The following IFITM10 variants were observed in gnomAD, a reference collection of about 807,000 sequenced individuals.
The protein encoded by IFITM10 is interferon induced transmembrane protein 10, also known as interferon-induced transmembrane protein 10.
In IFITM10, 17 loss-of-function variants were observed where a neutral mutation model predicts 19.0. That is an observed-to-expected ratio of 0.90 (90% CI 0.61 to 1.34). IFITM10 has a LOEUF of 1.34. Among genes scored for constraint, IFITM10 ranks in the 40% most tolerant of loss-of-function variants. The pLI is 0.00. For synonymous variants in IFITM10, 148 were observed against 147.2 expected, an observed-to-expected ratio of 1.01 and a Z score of -0.04; for missense variants, 306 against 319.8, an observed-to-expected ratio of 0.96 and a Z score of 0.33.
chr11:1,735,292 G>A lies in IFITM10; in HGVS notation c.675C>T (p.Leu225=). The change falls in exon 3 of 3, where the codon CTC becomes CTT. Residue 225 remains leucine, a synonymous_variant. Coordinates refer to ENST00000340134, the MANE Select transcript of IFITM10 (RefSeq NM_001170820.4). ...ILVFIFLRYP[L]TDY ...TGCCTGGCGGGCCTTAGTAGTCGGT[G>A]AGGGGGTACCGCAGGAAGATGAAGA... 6.4e-7 allele frequency: 1 copy of A among 1,551,758 alleles called. No individual in the cohort carries two copies.
rs978001824 is a variant in IFITM10 at position 1,732,991 on chromosome 11, G to A, written c.*2289C>T. The stretch of plus-strand genomic sequence containing the variant: ...TTTCTTCCCTCCCAGGCATAACATG[G>A]AAGACACCTGGACACTGGGGTTGGC... On this transcript the variant is annotated 3_prime_UTR_variant, in exon 3 of 3. Transcript: ENST00000340134. The A allele has an allele frequency of 2.6e-5, 4 of 152,310 alleles. No homozygotes were observed. The East Asian group carries it at 7.7e-4, about 29-fold the overall frequency. The allele number at this position is 152,310 out of a possible 1,614,324, so 9.4% of individuals were successfully genotyped here.
At chr11:1,745,596 G>A (rs1456855321) in intron 2 of IFITM10, 1 of 150,040 alleles carries the variant, frequency 6.7e-6, no homozygotes, top group Middle Eastern at 3.5e-3. Context: ...CGCATGCACA[G>A]TCAGGTACAT....
chr11:1,749,900 C>T (rs1490753947), intron 1 of IFITM10, among the ~76,000 whole-genome samples: 1 of 152,142 alleles, frequency 6.6e-6, no homozygotes, highest in African/African-American at 2.4e-5. Flanking sequence ...GCCGGGGCCC[C>T]ACTCCAGTTC....
chr11:1,744,121 C>T (rs1460683094), intron 2 of IFITM10, among the ~76,000 whole-genome samples: 1 of 152,234 alleles, frequency 6.6e-6, no homozygotes, highest in Non-Finnish European at 1.5e-5. Context: ...TTTCCAGCCT[C>T]ACCCCAAACT....
At chr11:1,740,717 C>A (rs749141256) in intron 2 of IFITM10, among the ~76,000 whole-genome samples, 1 of 152,050 alleles carries the variant, frequency 6.6e-6, no homozygotes, top group Admixed American at 6.5e-5. Flanking sequence ...TGAGAAGCAT[C>A]GGCAAAAAGA....
At chr11:1,740,340 C>CAGGCAGAG in intron 2 of IFITM10, among the ~76,000 whole-genome samples, 1 of 131,010 alleles carries the variant, frequency 7.6e-6, no homozygotes, top group South Asian at 2.5e-4. Flanking sequence ...GATAGTTGAA[C>CAGGCAGAG]AGGCAGAGAG....
At chr11:1,740,922 T>A (rs973900951) in intron 2 of IFITM10, among the ~76,000 whole-genome samples, 14 of 151,586 alleles carry the variant, frequency 9.2e-5, no homozygotes, top group Non-Finnish European at 7.4e-5. Context: ...CTCCCCCTTA[T>A]CCCTCCCTTG....
chr11:1,740,343 G>C (rs1469891806), intron 2 of IFITM10, among the ~76,000 whole-genome samples: 1 of 149,132 alleles, frequency 6.7e-6, no homozygotes, highest in Non-Finnish European at 1.5e-5. Context: ...AGTTGAACAG[G>C]CAGAGAGAGG....
At chr11:1,746,353 T>G (rs1463776817) in intron 2 of IFITM10, 2 of 391,846 alleles carry the variant, frequency 5.1e-6, no homozygotes, top group East Asian at 7.2e-5. Flanking sequence ...TGCACACACA[T>G]GCACACACAA....
rs964032025 is a variant in IFITM10, at chr11:1,734,737, GAGGATTGCAAAGCCTCCAGACTTCTCC to G, written c.*516_*542del. 1.3e-5 allele frequency: 2 copies of G among 153,086 alleles called. No homozygotes were observed. Among genetic ancestry groups the G allele is most frequent in the African/African-American group, 4.8e-5 (2 of 41,460 alleles). 9.5% of individuals were successfully genotyped at this position (153,086 alleles called of 1,614,324 possible). On this transcript the variant is annotated 3_prime_UTR_variant, in exon 3 of 3. Transcript: ENST00000340134. ...CCTGACCGCCAGGCAGTTCCTGAGGGAGGATTGCAAAGCCTCCAGACTTCTCCAGGCCCTGCCAGGGACACAAAGTAG... is the reference window on the plus strand; with the variant it reads ...CCTGACCGCCAGGCAGTTCCTGAGGGAGGCCCTGCCAGGGACACAAAGTAG...
chr11:1,750,466 A>G lies in IFITM10; in HGVS notation c.-24T>C, dbSNP rs1170275261. 9 of 1,549,976 alleles carry G rather than the reference A, an allele frequency of 5.8e-6. No individual in the cohort carries two copies. The Admixed American group carries it at 7.9e-5, about 14-fold the overall frequency. ...ATCTCTCTCCAAGCCCCATCCTCCC[A>G]TGAAACTCCTTTCTCCTCTGCCACT... On this transcript the variant is annotated 5_prime_UTR_variant, in exon 1 of 3. It removes an upstream start codon present in the reference 5' UTR. Transcript: ENST00000340134.
At chr11:1,749,193 C>A in intron 1 of IFITM10, 18 of 723,526 alleles carry the variant, frequency 2.5e-5, no homozygotes, top group Non-Finnish European at 3.1e-5. Flanking sequence ...GCCTGCGCTC[C>A]CTCCGCAGCG....
intron 1 of IFITM10, chr11:1,748,817 C>G (rs907686531): frequency 6.3e-6 from 1 of 158,252 alleles, no homozygotes; most frequent in Admixed American, 6.5e-5. Context: ...GAGCCACGCA[C>G]CCCCGGGCCA....
At chr11:1,746,745 C>A in intron 2 of IFITM10, 4 of 398,934 alleles carry the variant, frequency 1.0e-5, no homozygotes, top group Non-Finnish European at 1.8e-5. Flanking sequence ...CTCCCCCACC[C>A]GGCAGGGCAG....
chr11:1,747,915 G>A lies in IFITM10; in HGVS notation c.289C>T (p.Pro97Ser), dbSNP rs1182228905. Residue 97 changes from proline (P) to serine (S), a missense_variant, in exon 2 of 3, where the codon CCC becomes TCC. Pro to Ser is a moderately conservative substitution (Grantham distance 74, BLOSUM62 -1). Coordinates refer to ENST00000340134, the MANE Select transcript of IFITM10 (RefSeq NM_001170820.4). Reference protein sequence around the residue: ...AAPAPEPSASPPMAPTLFPME... With the variant: ...AAPAPEPSASSPMAPTLFPME... ...GGGAACAGTGTGGGCGCCATCGGGG[G>A]AGAGGCCGAGGGCTCAGGGGCAGGG... 5.4e-6 allele frequency: 8 copies of A among 1,495,052 alleles called. No homozygotes were observed. In the Admixed American group the frequency reaches 6.6e-5, roughly 12 times the overall value. 92.6% of individuals were successfully genotyped at this position (1,495,052 alleles called of 1,614,324 possible). A position where few individuals can be genotyped will look rare whatever the true frequency, so the allele number is the denominator to read the frequency against.
chr11:1,737,164 T>C (rs750996708), intron 2 of IFITM10, among the ~76,000 whole-genome samples: 3 of 152,226 alleles, frequency 2.0e-5, no homozygotes, highest in African/African-American at 4.8e-5. Flanking sequence ...AATAAAGTTG[T>C]ATAACTTTCT....
At position 1,747,657 on chromosome 11, in the gene IFITM10, C is replaced by T. The variant is rs1449310392; in HGVS notation, c.537+10G>A. On this transcript the variant is annotated intron_variant, in intron 2 of 2. Transcript: ENST00000340134. The stretch of plus-strand genomic sequence containing the variant: ...GCCCGCCCTTGCCCCCTGCCACCGC[C>T]CGGGCTCACTTTGAGGGAGTAGGCC... The T allele has an allele frequency of 6.4e-7, 1 of 1,551,466 alleles. No individual in the cohort carries two copies.
intron 2 of IFITM10, among the ~76,000 whole-genome samples, chr11:1,747,338 G>A (rs1590899448): frequency 1.3e-5 from 2 of 152,196 alleles, no homozygotes; most frequent in East Asian, 3.9e-4. Flanking sequence ...CATGTCCCCT[G>A]AGCCTGAGCA....
chr11:1,747,915 G>T lies in IFITM10; in HGVS notation c.289C>A (p.Pro97Thr). 6.7e-7 allele frequency: 1 copy of T among 1,495,168 alleles called. No homozygotes were observed. The highest frequency in any genetic ancestry group is 2.5e-5 in the East Asian group (1 of 40,308). The allele number at this position is 1,495,168 out of a possible 1,614,324, so 92.6% of individuals were successfully genotyped here. Residue 97 changes from proline to threonine, a missense_variant, in exon 2 of 3, where the codon CCC (proline) becomes ACC (threonine). Pro to Thr is a conservative substitution (Grantham distance 38). Coordinates refer to ENST00000340134, the MANE Select transcript of IFITM10 (RefSeq NM_001170820.4). ...AAPAPEPSAS[P>T]PMAPTLFPME... is the part of the protein sequence containing the mutation. Reference sequence around the variant, plus strand: ...GGGAACAGTGTGGGCGCCATCGGGGGAGAGGCCGAGGGCTCAGGGGCAGGG... The same window carrying T: ...GGGAACAGTGTGGGCGCCATCGGGGTAGAGGCCGAGGGCTCAGGGGCAGGG...
Sources: allele counts gnomAD v4.1 joint callset (sites outside exome capture counted in the v4.1 genomes callset), GRCh38; gene constraint gnomAD v4.1.1; transcripts MANE v1.5; gene names NCBI Gene and HGNC (gene_info 2026-07-23, HGNC 2026-07-21).